The following CDKN2A variants were observed in gnomAD, a reference collection of about 807,000 sequenced individuals.
CDKN2A encodes the protein cyclin-dependent kinase inhibitor 2A.
Under a neutral mutation model 11.1 loss-of-function variants are expected in CDKN2A, and 3 were observed. That is an observed-to-expected ratio of 0.27 (90% CI 0.12 to 0.70). The LOEUF (loss-of-function observed/expected upper bound fraction) is 0.70. CDKN2A is among the 30% of genes least tolerant of loss of function. The pLI is 0.77. For synonymous variants in CDKN2A, 122 were observed against 108.1 expected (o/e 1.13, Z -0.80); for missense variants, 265 against 233.6 (o/e 1.13, Z -0.88).
chr9:21,987,951 C>T (rs778214126), intron 2 of CDKN2A, among the ~76,000 whole-genome samples: 7 of 152,142 alleles, frequency 4.6e-5, no homozygotes, highest in Non-Finnish European at 7.4e-5. Context: ...ATTTTCTGAA[C>T]GTGAACCCCA....
rs1819496798 is a variant in CDKN2A, at chr9:21,968,113, TA to T, written c.*115del. The T allele has an allele frequency of 2.2e-6, 2 of 905,960 alleles. No individual in the cohort carries two copies. The highest frequency in any genetic ancestry group is 3.7e-6 in the Non-Finnish European group (2 of 535,384). 56.1% of individuals were successfully genotyped at this position (905,960 alleles called of 1,614,324 possible). A position where few individuals can be genotyped will look rare whatever the true frequency, so the allele number is the denominator to read the frequency against. On this transcript the variant is annotated 3_prime_UTR_variant, in exon 3 of 3. Coordinates refer to ENST00000304494, the MANE Select transcript of CDKN2A (RefSeq NM_000077.5). The surrounding 1 kb of genome is among the most constrained non-coding windows in gnomAD (Gnocchi z 4.7). ...GGACATTTTTAAAAGCTCTATTTTC[TA>T]AATGAAAACTACGAAAGCGGGGTGG...
chr9:21,976,725 AAAAGAAAG>A (rs369840404), upstream of CDKN2A, among the ~76,000 whole-genome samples: 14 of 152,090 alleles, frequency 9.2e-5, no homozygotes, highest in Admixed American at 6.6e-4. Flanking sequence ...TCTCAAGAAA[AAAAGAAAG>A]AAAGAAAGAA....
chr9:21,968,586 C>A lies in CDKN2A; in HGVS notation c.458-344G>T. On this transcript the variant is annotated intron_variant, in intron 2 of 2. Coordinates refer to ENST00000304494, the MANE Select transcript of CDKN2A (RefSeq NM_000077.5). This position sits in a 1 kb window ranked among gnomAD's most constrained non-coding sequence, Gnocchi z 4.7. ...CAGTGGTTGCTCACAATGCCAGGCG[C>A]GAAGGCGTGAAGATGTGGCCTTTCC... The A allele has an allele frequency of 1.4e-6, 2 of 1,472,894 alleles. No individual in the cohort carries two copies. 91.2% of individuals were successfully genotyped at this position (1,472,894 alleles called of 1,614,324 possible). A position where few individuals can be genotyped will look rare whatever the true frequency, so the allele number is the denominator to read the frequency against.
At chr9:21,970,634 AGGGTAGGTGTTT>A in intron 2 of CDKN2A, 1 of 603,776 alleles carries the variant, frequency 1.7e-6, no homozygotes, top group Admixed American at 2.9e-5. Context: ...GAACTAGCAG[AGGGTAGGTGTTT>A]GGGTGGTGGT....
chr9:21,970,819 G>T, intron 2 of CDKN2A, 83 bp downstream of exon 2: 1 of 1,545,914 alleles, frequency 6.5e-7, no homozygotes, highest in South Asian at 1.1e-5. Flanking sequence ...TGGTCTCCCG[G>T]GCTGAACTTT....
Position 21,970,982 on chromosome 9 carries a change from A to T in CDKN2A, c.377T>A (p.Val126Asp), listed in dbSNP as rs104894098. ...DLAEELGHRD[V>D]ARYLRAAAGG... ...CGCAGCCGCGCGCAGGTACCGTGCGACATCGCGATGGCCCAGCTCCTCAGC... is the reference window on the plus strand; with the variant it reads ...CGCAGCCGCGCGCAGGTACCGTGCGTCATCGCGATGGCCCAGCTCCTCAGC... Residue 126 changes from valine (V) to aspartate (D), a missense_variant, in exon 2 of 3, where the codon GTC becomes GAC. Coordinates refer to ENST00000304494, the MANE Select transcript of CDKN2A (RefSeq NM_000077.5). The T allele has an allele frequency of 1.9e-6, 3 of 1,610,814 alleles. No individual in the cohort carries two copies. Among genetic ancestry groups the T allele is most frequent in the Non-Finnish European group, 2.5e-6 (3 of 1,179,998 alleles).
intron 2 of CDKN2A, among the ~76,000 whole-genome samples, chr9:21,987,486 G>T (rs1820330677): frequency 6.9e-6 from 1 of 145,954 alleles, no homozygotes; most frequent in African/African-American, 2.5e-5. Flanking sequence ...ACAGAAAGAA[G>T]TGTATATAGT....
intron 2 of CDKN2A, among the ~76,000 whole-genome samples, chr9:21,985,230 G>A (rs1820274406): frequency 6.6e-6 from 1 of 151,880 alleles, no homozygotes; most frequent in Non-Finnish European, 1.5e-5. Flanking sequence ...AGAATATACT[G>A]TATGTTTACT....
chr9:21,970,732 G>A, intron 2 of CDKN2A, 170 bp downstream of exon 2: 1 of 801,438 alleles, frequency 1.2e-6, no homozygotes, highest in Non-Finnish European at 2.0e-6. Flanking sequence ...CCCATTTGCC[G>A]CCCTGGCGGG....
intron 2 of CDKN2A, among the ~76,000 whole-genome samples, chr9:21,985,497 T>C (rs1037245275): frequency 1.5e-4 from 23 of 151,746 alleles, no homozygotes; most frequent in Non-Finnish European, 2.7e-4. Context: ...AAAATTGTTT[T>C]GGTCAAAACT....
chr9:21,993,333 C>T (rs1820480222), intron 2 of CDKN2A, among the ~76,000 whole-genome samples: 1 of 152,166 alleles, frequency 6.6e-6, no homozygotes, highest in African/African-American at 2.4e-5. Context: ...GACAAAACTA[C>T]CTTGGATTCT....
chr9:21,982,062 A>C (rs904077180), intron 2 of CDKN2A, among the ~76,000 whole-genome samples: 2 of 152,180 alleles, frequency 1.3e-5, no homozygotes, highest in African/African-American at 2.4e-5. Flanking sequence ...ATTTGCTATA[A>C]GGAAGGTACT....
Position 21,971,014 on chromosome 9 carries a change from C to A in CDKN2A, c.345G>T (p.Val115=), listed in dbSNP as rs1819693631. ...DVRDAWGRLP[V]DLAEELGHRD... ...GATGGCCCAGCTCCTCAGCCAGGTCCACGGGCAGACGGCCCCAGGCATCGC... is the reference window on the plus strand; with the variant it reads ...GATGGCCCAGCTCCTCAGCCAGGTCAACGGGCAGACGGCCCCAGGCATCGC... Residue 115 remains valine, a synonymous_variant, in exon 2 of 3, where the codon GTG becomes GTT. Coordinates refer to ENST00000304494, the MANE Select transcript of CDKN2A (RefSeq NM_000077.5). 1 of 1,607,988 alleles carries A rather than the reference C, an allele frequency of 6.2e-7. No individual in the cohort carries two copies. The highest frequency in any genetic ancestry group is 8.5e-7 in the Non-Finnish European group (1 of 1,179,752).
chr9:21,994,208 C>T lies in CDKN2A; in HGVS notation c.-175-155G>A, dbSNP rs905621048. On this transcript the variant is annotated intron_variant, in intron 1 of 3. Transcript: ENST00000494262. ...AGTAGCATCAGCACGAGGGCCACAGCGGCGGGCGCCCCTGGCGCTGCCCAC... is the reference window on the plus strand; with the variant it reads ...AGTAGCATCAGCACGAGGGCCACAGTGGCGGGCGCCCCTGGCGCTGCCCAC... 6.2e-7 allele frequency: 1 copy of T among 1,606,010 alleles called. No homozygotes were observed. The highest frequency in any genetic ancestry group is 8.5e-7 in the Non-Finnish European group (1 of 1,179,708).
chr9:21,980,050 G>A (rs1425381860), intron 2 of CDKN2A, among the ~76,000 whole-genome samples: 2 of 152,178 alleles, frequency 1.3e-5, no homozygotes, highest in African/African-American at 2.4e-5. Context: ...CATGGGATAA[G>A]CAAGATGATT....
chr9:21,971,592 T>TTTTTTTTTTTTG (rs71336504), intron 1 of CDKN2A, among the ~76,000 whole-genome samples: 1 of 142,120 alleles, frequency 7.0e-6, no homozygotes, highest in Non-Finnish European at 1.6e-5. Flanking sequence ...TTTTTTTTTT[T>TTTTTTTTTTTTG]GTTCACTGCT....
upstream of CDKN2A, among the ~76,000 whole-genome samples, chr9:21,979,065 CA>C (rs1026086401): frequency 2.0e-5 from 3 of 152,148 alleles, no homozygotes; most frequent in Non-Finnish European, 4.4e-5. Context: ...CTCTAGTAGG[CA>C]AAGGCTTCCG....
chr9:21,981,597 T>A (rs1272687605), intron 2 of CDKN2A, among the ~76,000 whole-genome samples: 1 of 151,310 alleles, frequency 6.6e-6, no homozygotes, highest in East Asian at 2.0e-4. Context: ...CCTGTCCTAG[T>A]TCTACCACCT....
At chr9:21,994,501 C>G in intron 1 of CDKN2A, 2 of 1,416,746 alleles carry the variant, frequency 1.4e-6, no homozygotes, top group African/African-American at 1.5e-5. Context: ...GCGCCCGCCC[C>G]CCACCTTCAC....
Sources: gnomAD v4.1 joint callset for allele counts (sites outside exome capture counted in the v4.1 genomes callset) on GRCh38, gnomAD v4.1.1 for gene constraint, Gnocchi (gnomAD v3.1) non-coding constraint, MANE v1.5 for transcripts, NCBI Gene and HGNC (gene_info 2026-07-23, HGNC 2026-07-21) for gene names.